GNAI3: variants seen among roughly 807,000 people sequenced by gnomAD.
GNAI3 encodes G protein subunit alpha i3, also known as guanine nucleotide-binding protein G(i) subunit alpha-3.
GNAI3 carries 12 observed loss-of-function variants against 41.8 expected under a neutral mutation model. The ratio of observed to expected loss-of-function variants is 0.29; its 90% CI spans 0.18 to 0.47. GNAI3 has a LOEUF of 0.47. GNAI3 is among the 20% of genes least tolerant of loss of function. The probability of loss-of-function intolerance (pLI) is 1.00; values close to 1 mark genes in which losing one functional copy is unlikely to be tolerated. For missense variants in GNAI3, 360 were observed against 429.6 expected (o/e 0.84, Z 1.43); for synonymous variants, 132 against 146.5 (o/e 0.90, Z 0.71).
chr1:109,572,434 A>G (rs931136159), intron 1 of GNAI3, among the ~76,000 whole-genome samples: 3 of 152,216 alleles, frequency 2.0e-5, no homozygotes, highest in African/African-American at 7.2e-5. Context: ...CAACTTAGAC[A>G]AATTCTGCTT....
At chr1:109,555,468 T>C (rs1344679874) in intron 1 of GNAI3, among the ~76,000 whole-genome samples, 1 of 152,194 alleles carries the variant, frequency 6.6e-6, no homozygotes, top group Non-Finnish European at 1.5e-5. Context: ...GCTGGGATAA[T>C]TGACAAGCCA....
At chr1:109,555,560 C>T (rs1012153572) in intron 1 of GNAI3, among the ~76,000 whole-genome samples, 1 of 152,102 alleles carries the variant, frequency 6.6e-6, no homozygotes, top group Non-Finnish European at 1.5e-5. Flanking sequence ...TCCCTGACTA[C>T]GCTATTCCTG....
intron 3 of GNAI3, among the ~76,000 whole-genome samples, chr1:109,578,470 C>CAAAAAAA (rs35519193): frequency 1.2e-5 from 1 of 84,308 alleles, no homozygotes; most frequent in African/African-American, 4.6e-5. Context: ...AACTCCGTCT[C>CAAAAAAA]AAAAAAAAAA....
intron 1 of GNAI3, among the ~76,000 whole-genome samples, chr1:109,570,614 A>T (rs1322454494): frequency 6.6e-6 from 1 of 152,222 alleles, no homozygotes; most frequent in African/African-American, 2.4e-5. Context: ...AATCTTGCAA[A>T]ACTTATTTCA....
Position 109,600,010 on chromosome 1 carries a change from A to T in GNAI3, c.*7688A>T, listed in dbSNP as rs1186695654. 1 of 151,962 alleles carries T rather than the reference A, an allele frequency of 6.6e-6. No homozygotes were observed. The highest frequency in any genetic ancestry group is 2.4e-5 in the African/African-American group (1 of 41,370). The allele number at this position is 151,962 out of a possible 1,614,324, so 9.4% of individuals were successfully genotyped here. On this transcript the variant is annotated 3_prime_UTR_variant, in exon 9 of 9. Coordinates refer to ENST00000369851, the MANE Select transcript of GNAI3 (RefSeq NM_006496.4). ...CTTCCTTCCTGGGCTTCAGTTTTTG[A>T]TCTATAAATTGCTAGTGATGGGGCT...
At position 109,566,530 on chromosome 1, in the gene GNAI3, AG is replaced by A. The variant is rs1648459085; in HGVS notation, c.119-7206del. ...AGCAACTGGTTTTTTAATTAAGTAT[AG>A]TACCTTGAAAAGCCGTTTGAATGAA... On this transcript the variant is annotated intron_variant, in intron 1 of 8. Coordinates refer to ENST00000369851, the MANE Select transcript of GNAI3 (RefSeq NM_006496.4). Among the ~76,000 whole-genome samples the A allele has an allele frequency of 2.0e-5, 3 of 152,168 alleles. No homozygotes were observed. In the South Asian group the frequency reaches 6.2e-4, roughly 31 times the overall value.
chr1:109,550,915 A>G (rs1366325624), intron 1 of GNAI3, among the ~76,000 whole-genome samples: 1 of 152,244 alleles, frequency 6.6e-6, no homozygotes, highest in East Asian at 1.9e-4. Context: ...TACACTGACC[A>G]ACAGAGATAC....
chr1:109,568,676 AC>A (rs1648518980), intron 1 of GNAI3, among the ~76,000 whole-genome samples: 8 of 152,216 alleles, frequency 5.3e-5, no homozygotes, highest in Admixed American at 5.2e-4. Context: ...GTAGATAAAC[AC>A]AGATGATTTT....
At chr1:109,576,275 G>T (rs1039344724) in intron 3 of GNAI3, among the ~76,000 whole-genome samples, 2 of 151,966 alleles carry the variant, frequency 1.3e-5, no homozygotes, top group Admixed American at 6.6e-5. Context: ...CGTCATGTTG[G>T]CCAGGTTGGT....
chr1:109,551,817 C>A (rs886623834), intron 1 of GNAI3, among the ~76,000 whole-genome samples: 1 of 152,162 alleles, frequency 6.6e-6, no homozygotes, highest in African/African-American at 2.4e-5. Context: ...ACAGACACTT[C>A]AGTATTGTAA....
chr1:109,585,679 T>C (rs1364929764), intron 5 of GNAI3, among the ~76,000 whole-genome samples: 1 of 152,090 alleles, frequency 6.6e-6, no homozygotes, highest in East Asian at 1.9e-4. Context: ...CAGTCCCTGT[T>C]TGTTAGTAGT....
intron 1 of GNAI3, among the ~76,000 whole-genome samples, chr1:109,570,723 CAA>C (rs1224207111): frequency 6.6e-6 from 1 of 152,162 alleles, no homozygotes; most frequent in Non-Finnish European, 1.5e-5. Context: ...GCTGGTCTGA[CAA>C]GAGCTGTGAG....
chr1:109,582,163 A>G (rs1648906176), intron 4 of GNAI3, among the ~76,000 whole-genome samples: 1 of 151,908 alleles, frequency 6.6e-6, no homozygotes, highest in African/African-American at 2.4e-5. Flanking sequence ...GCTAATTTTT[A>G]AAATATTTTG....
rs1437297452 is a variant in GNAI3 at position 109,592,494 on chromosome 1, T to C, written c.*172T>C. ...TGTATTAGGGAACTTTTAATTGACA[T>C]GAGATGCTAAAGTCAGACATTGGAA... On this transcript the variant is annotated 3_prime_UTR_variant, in exon 9 of 9. Coordinates refer to ENST00000369851, the MANE Select transcript of GNAI3 (RefSeq NM_006496.4). 2.1e-5 allele frequency: 6 copies of C among 290,504 alleles called. No homozygotes were observed. The highest frequency in any genetic ancestry group is 1.2e-4 in the South Asian group (1 of 8,148). 18.0% of individuals were successfully genotyped at this position (290,504 alleles called of 1,614,324 possible).
rs78866113 is a variant in GNAI3 at position 109,600,132 on chromosome 1, A to C, written c.*7810A>C. Reference sequence around the variant, plus strand: ...AATATTTGTTTCTGATCTGGTTACAAAAAAAAAAAAAACTTGATGGCTTAA... The same window carrying C: ...AATATTTGTTTCTGATCTGGTTACACAAAAAAAAAAAACTTGATGGCTTAA... On this transcript the variant is annotated 3_prime_UTR_variant, in exon 9 of 9. Coordinates refer to ENST00000369851, the MANE Select transcript of GNAI3 (RefSeq NM_006496.4). The C allele has an allele frequency of 5.1e-5, 4 of 78,164 alleles. No individual in the cohort carries two copies. Among genetic ancestry groups the C allele is most frequent in the Non-Finnish European group, 9.2e-5 (4 of 43,658 alleles). The allele number at this position is 78,164 out of a possible 1,614,324, so 4.8% of individuals were successfully genotyped here.
rs1230115044 is a variant in GNAI3, at chr1:109,595,736, A to G, written c.*3414A>G. ...ATAGTTCTGGAATTTCCTGTTGCAG[A>G]ACTCCTTGCTGTATTGCAGTCATAT... On this transcript the variant is annotated 3_prime_UTR_variant, in exon 9 of 9. Coordinates refer to ENST00000369851, the MANE Select transcript of GNAI3 (RefSeq NM_006496.4). 6.6e-6 allele frequency: 1 copy of G among 151,958 alleles called. No homozygotes were observed. The highest frequency in any genetic ancestry group is 1.5e-5 in the Non-Finnish European group (1 of 67,996). The allele number at this position is 151,958 out of a possible 1,614,324, so 9.4% of individuals were successfully genotyped here.
At position 109,597,281 on chromosome 1, in the gene GNAI3, G is replaced by T. The variant is rs915294608; in HGVS notation, c.*4959G>T. On this transcript the variant is annotated 3_prime_UTR_variant, in exon 9 of 9. Transcript: ENST00000369851. ...GTTTGAGACCAGCTTGGCCAACATG[G>T]TGAAACCCCGTCTTTACTAAAAATA... The T allele has an allele frequency of 1.3e-5, 2 of 152,046 alleles. No individual in the cohort carries two copies. The highest frequency in any genetic ancestry group is 4.8e-5 in the African/African-American group (2 of 41,372). The allele number at this position is 152,046 out of a possible 1,614,324, so 9.4% of individuals were successfully genotyped here.
intron 5 of GNAI3, among the ~76,000 whole-genome samples, chr1:109,585,990 A>G (rs1364221913): frequency 6.6e-6 from 1 of 152,206 alleles, no homozygotes. Flanking sequence ...GAAGAGGCTC[A>G]GCTATCTAAA....
intron 1 of GNAI3, 49 bp downstream of exon 1, chr1:109,548,887 G>C: frequency 1.6e-6 from 2 of 1,241,526 alleles, no homozygotes; most frequent in Non-Finnish European, 2.4e-6. Context: ...GAGCCTAGGC[G>C]CTTGGAAGGC....
Sources: allele counts gnomAD v4.1 joint callset (sites outside exome capture counted in the v4.1 genomes callset), GRCh38; gene constraint gnomAD v4.1.1; transcripts MANE v1.5; gene names NCBI Gene and HGNC (gene_info 2026-07-23, HGNC 2026-07-21).